RANBP2: variants seen among roughly 807,000 people sequenced by gnomAD.
RANBP2 encodes the protein RAN binding protein 2.
Under a neutral mutation model 303.6 loss-of-function variants are expected in RANBP2, and 57 were observed. The ratio of observed to expected loss-of-function variants is 0.19; its 90% confidence interval spans 0.15 to 0.23. The LOEUF is 0.23. Among genes scored for constraint, RANBP2 ranks in the 10% least tolerant of loss-of-function variants. RANBP2 has a pLI of 1.00. For missense variants in RANBP2, 3,138 were observed against 3,780.8 expected (o/e 0.83, Z 4.46); for synonymous variants, 1,167 against 1,301.5 (o/e 0.90, Z 2.23).
At chr2:109,005,301 T>C in the RANBP2 span, among the ~76,000 whole-genome samples, 1 of 152,174 alleles carries the variant, frequency 6.6e-6, no homozygotes, top group Non-Finnish European at 1.5e-5. Flanking sequence ...TGTCCTAAGT[T>C]TTCTATAATG....
chr2:109,017,181 A>G, the RANBP2 span, among the ~76,000 whole-genome samples: 5 of 152,234 alleles, frequency 3.3e-5, no homozygotes, highest in African/African-American at 1.2e-4. Flanking sequence ...AACCTTTGCC[A>G]TTCTCTGCGT....
At chr2:108,990,542 G>C in the RANBP2 span, among the ~76,000 whole-genome samples, 3 of 152,188 alleles carry the variant, frequency 2.0e-5, no homozygotes, top group Admixed American at 6.5e-5. Context: ...GTTGCAGTGA[G>C]CCGAGATTGT....
chr2:109,093,737 T>C, the RANBP2 span, among the ~76,000 whole-genome samples: 1 of 152,358 alleles, frequency 6.6e-6, no homozygotes, highest in East Asian at 1.9e-4. Context: ...GAATTGCATT[T>C]TTCTGAAAAT....
the RANBP2 span, among the ~76,000 whole-genome samples, chr2:109,307,039 T>C: frequency 6.6e-6 from 1 of 152,240 alleles, no homozygotes; most frequent in East Asian, 1.9e-4. Flanking sequence ...AGTTTTAATT[T>C]ATAAATGTGA....
the RANBP2 span, among the ~76,000 whole-genome samples, chr2:108,917,539 A>G: frequency 6.6e-6 from 1 of 152,206 alleles, no homozygotes; most frequent in East Asian, 1.9e-4. Context: ...ATGTGCAATT[A>G]TTATGTATCA....
chr2:108,749,213 T>G, intron 9 of RANBP2, 84 bp downstream of exon 9: 9 of 1,599,768 alleles, frequency 5.6e-6, no homozygotes, highest in Non-Finnish European at 7.7e-6. Flanking sequence ...AATAACGACT[T>G]AATATTTTCC....
At chr2:109,605,839 C>T in the RANBP2 span, 1 of 152,096 alleles carries the variant, frequency 6.6e-6, no homozygotes, top group African/African-American at 2.4e-5. Context: ...ACAGAGAGCC[C>T]CCAGAAATTC....
chr2:109,287,167 A>T, the RANBP2 span, among the ~76,000 whole-genome samples: 1 of 152,174 alleles, frequency 6.6e-6, no homozygotes, highest in African/African-American at 2.4e-5. Context: ...CCCAGTGATT[A>T]TATGCCACAG....
chr2:108,930,870 C>T, the RANBP2 span: 2 of 1,373,940 alleles, frequency 1.5e-6, no homozygotes, highest in Admixed American at 3.4e-5. Flanking sequence ...GGACTATGAT[C>T]AGCATTCCCA....
chr2:109,718,098 C>T, the RANBP2 span, among the ~76,000 whole-genome samples: 1 of 152,138 alleles, frequency 6.6e-6, no homozygotes, highest in South Asian at 2.1e-4. Context: ...TGCAGAGAAA[C>T]TGGAACCCTC....
the RANBP2 span, among the ~76,000 whole-genome samples, chr2:109,429,938 G>A: frequency 5.3e-5 from 8 of 152,278 alleles, no homozygotes; most frequent in African/African-American, 1.7e-4. Flanking sequence ...GGGTGTAGCC[G>A]CAGCCAATCC....
the RANBP2 span, among the ~76,000 whole-genome samples, chr2:109,092,517 G>A: frequency 6.6e-6 from 1 of 152,194 alleles, no homozygotes; most frequent in Admixed American, 6.5e-5. Context: ...TTGCAAAATT[G>A]AGAATCTTTT....
chr2:109,122,413 G>A, the RANBP2 span, among the ~76,000 whole-genome samples: 1 of 152,234 alleles, frequency 6.6e-6, no homozygotes, highest in African/African-American at 2.4e-5. Flanking sequence ...CTCCCGAGGG[G>A]CAGGAGTGCT....
chr2:108,792,553 G>A, the RANBP2 span, among the ~76,000 whole-genome samples: 1 of 152,228 alleles, frequency 6.6e-6, no homozygotes, highest in South Asian at 2.1e-4. Context: ...AGGGATTGGT[G>A]AGTCGGGAAC....
the RANBP2 span, among the ~76,000 whole-genome samples, chr2:109,089,404 AC>A: frequency 2.0e-5 from 3 of 151,842 alleles, no homozygotes; most frequent in Non-Finnish European, 4.4e-5. Flanking sequence ...GGAATTTCAC[AC>A]CAGCCTAAGC....
the RANBP2 span, among the ~76,000 whole-genome samples, chr2:109,216,854 C>A: frequency 1.3e-5 from 2 of 152,332 alleles, no homozygotes; most frequent in Admixed American, 6.5e-5. Flanking sequence ...TAAGCACATT[C>A]TCATTGTTGT....
chr2:109,667,266 ACC>A, the RANBP2 span: 2 of 777,460 alleles, frequency 2.6e-6, no homozygotes, highest in Non-Finnish European at 4.5e-6. Context: ...GCAGAGACCA[ACC>A]ATCATAAGCA....
chr2:108,730,454 CTGTT>C, intron 2 of RANBP2, among the ~76,000 whole-genome samples: 1 of 152,042 alleles, frequency 6.6e-6, no homozygotes, highest in Non-Finnish European at 1.5e-5. Context: ...ATTCGCAAAA[CTGTT>C]AGTGCTTTAT....
At chr2:109,268,219 G>C in the RANBP2 span, among the ~76,000 whole-genome samples, 4 of 151,986 alleles carry the variant, frequency 2.6e-5, no homozygotes, top group Non-Finnish European at 4.4e-5. Flanking sequence ...CTTCCCCAGT[G>C]GTTTCTGTGT....
Sources: allele counts gnomAD v4.1 joint callset (sites outside exome capture counted in the v4.1 genomes callset), GRCh38; gene constraint gnomAD v4.1.1; transcripts MANE v1.5; gene names NCBI Gene and HGNC (gene_info 2026-07-23, HGNC 2026-07-21).